Variants in CACNA2D3 observed in about 807,000 individuals in gnomAD.
The protein encoded by CACNA2D3 is voltage-dependent calcium channel subunit alpha-2/delta-3.
Under a neutral mutation model 160.6 loss-of-function variants are expected in CACNA2D3, and 60 were observed. That is an observed-to-expected ratio of 0.37 (90% CI 0.30 to 0.46). The LOEUF is 0.46. CACNA2D3 is among the 20% of genes least tolerant of loss of function. The probability of loss-of-function intolerance (pLI) is 1.00; values close to 1 mark genes in which losing one functional copy is unlikely to be tolerated. For synonymous variants in CACNA2D3, 558 were observed against 492.9 expected, an observed-to-expected ratio of 1.13 and a Z score of -1.75; for missense variants, 1,205 against 1,365.0, an observed-to-expected ratio of 0.88 and a Z score of 1.85.
rs953085836 is a variant in CACNA2D3 at position 54,975,649 on chromosome 3, G to C, written c.2556+5805G>C. ...TTCTCTTCCCATCATTGTTTGCTAG[G>C]ATGTAGAGCAATCTTACCAAAATGA... is the stretch of plus-strand genomic sequence containing the variant. On this transcript the variant is annotated intron_variant, in intron 29 of 37. Coordinates refer to ENST00000474759, the MANE Select transcript of CACNA2D3 (RefSeq NM_018398.3). 2.6e-5 allele frequency among the ~76,000 whole-genome samples: 4 copies of C among 152,028 alleles called. No homozygotes were observed. In the East Asian group the frequency reaches 7.7e-4, roughly 29 times the overall value.
At chr3:54,293,558 T>G (rs2107480671) in intron 2 of CACNA2D3, among the ~76,000 whole-genome samples, 1 of 123,728 alleles carries the variant, frequency 8.1e-6, no homozygotes, top group East Asian at 2.9e-4. Context: ...CTGAGTAATA[T>G]TCTATTATAT....
chr3:54,894,754 G>A (rs1700150374), intron 25 of CACNA2D3: 2 of 439,840 alleles, frequency 4.5e-6, no homozygotes, highest in Non-Finnish European at 9.2e-6. Flanking sequence ...AGAATTTCAT[G>A]TCTAGCGAAA....
intron 2 of CACNA2D3, among the ~76,000 whole-genome samples, chr3:54,241,564 T>A (rs2107408331): frequency 6.6e-6 from 1 of 152,294 alleles, no homozygotes; most frequent in East Asian, 1.9e-4. Flanking sequence ...GGAGACCAAT[T>A]TGGGTATGCC....
At chr3:54,588,865 T>G (rs2106752154) in intron 9 of CACNA2D3, among the ~76,000 whole-genome samples, 1 of 151,750 alleles carries the variant, frequency 6.6e-6, no homozygotes, top group African/African-American at 2.4e-5. Flanking sequence ...GGTGTTATTT[T>G]TTTTCAAACT....
chr3:54,214,643 A>T (rs1222246037), intron 2 of CACNA2D3, among the ~76,000 whole-genome samples: 1 of 152,170 alleles, frequency 6.6e-6, no homozygotes, highest in South Asian at 2.1e-4. Flanking sequence ...TAAACAGCTC[A>T]GTTAGGTGCT....
At chr3:54,836,226 C>CTTTTTTTTTTTTTTTTT (rs71096454) in intron 14 of CACNA2D3, among the ~76,000 whole-genome samples, 34 of 92,694 alleles carry the variant, frequency 3.7e-4, no homozygotes, top group Non-Finnish European at 5.0e-4. Flanking sequence ...TTTTTTTTTT[C>CTTTTTTTTTTTTTTTTT]TTTTTTTTTT....
rs116753077 is a variant in CACNA2D3 at position 54,530,748 on chromosome 3, G to T, written c.544+27094G>T. 9.5e-3 allele frequency among the ~76,000 whole-genome samples: 1,454 copies of T among 152,268 alleles called. 10 individuals carry two copies. The highest frequency in any genetic ancestry group is 0.015 in the Non-Finnish European group (1,007 of 68,010). Reference sequence around the variant, plus strand: ...CAGAGACGTTGTTTAACTGGCTGAGGGTTACACAGCCCATTCGTATGCTCA... The same window carrying T: ...CAGAGACGTTGTTTAACTGGCTGAGTGTTACACAGCCCATTCGTATGCTCA... On this transcript the variant is annotated intron_variant, in intron 5 of 37. Coordinates refer to ENST00000474759, the MANE Select transcript of CACNA2D3 (RefSeq NM_018398.3).
chr3:55,033,830 A>ATGTGTATTATATATTAAATATATTTT (rs1703747752), intron 35 of CACNA2D3, among the ~76,000 whole-genome samples: 1 of 47,910 alleles, frequency 2.1e-5, no homozygotes, highest in African/African-American at 8.5e-5. Context: ...AATATATTTA[A>ATGTGTATTATATATTAAATATATTTT]TATATAATAT....
At chr3:54,355,357 A>G (rs1398550738) in intron 3 of CACNA2D3, among the ~76,000 whole-genome samples, 1 of 152,232 alleles carries the variant, frequency 6.6e-6, no homozygotes, top group Non-Finnish European at 1.5e-5. Flanking sequence ...CGGCTGCTGT[A>G]TAGAGACTAG....
chr3:54,368,891 C>T (rs9877288), intron 3 of CACNA2D3, among the ~76,000 whole-genome samples: 30,046 of 150,806 alleles, frequency 0.2, 3,202 homozygotes, highest in Middle Eastern at 0.29. Context: ...TTAGTGGAGA[C>T]GGGGTTTCAT....
intron 3 of CACNA2D3, among the ~76,000 whole-genome samples, chr3:54,350,634 A>G (rs1016719793): frequency 1.3e-5 from 2 of 152,232 alleles, no homozygotes; most frequent in Admixed American, 6.5e-5. Context: ...AAGTTTCAAG[A>G]TGATGGGCTC....
chr3:54,764,219 A>AT lies in CACNA2D3; in HGVS notation c.1254dup (p.Thr419TyrfsTer8). On this transcript the variant is annotated frameshift_variant and splice_region_variant, in exon 13 of 38. Transcript: ENST00000474759. LOFTEE classifies it high-confidence loss of function. ...TGGCCCTCCCTTGGGTTTTGACAGG[A>AT]TTTTTTACCCAGATCTCCACCTTGG... 3 of 1,612,970 alleles carry AT rather than the reference A, an allele frequency of 1.9e-6. No homozygotes were observed. Among genetic ancestry groups the AT allele is most frequent in the Non-Finnish European group, 2.5e-6 (3 of 1,179,550 alleles).
intron 35 of CACNA2D3, among the ~76,000 whole-genome samples, chr3:55,023,944 T>TG (rs1464462929): frequency 6.8e-6 from 1 of 147,372 alleles, no homozygotes; most frequent in Non-Finnish European, 1.5e-5. Flanking sequence ...TGTCTTCTCT[T>TG]GTAAGATCTT....
chr3:55,002,674 A>G (rs933183570), intron 31 of CACNA2D3, among the ~76,000 whole-genome samples: 3 of 152,230 alleles, frequency 2.0e-5, no homozygotes, highest in African/African-American at 7.2e-5. Flanking sequence ...AAGCCAGAGG[A>G]CAGTGAAGAA....
At chr3:54,766,002 C>T (rs1261549577) in intron 13 of CACNA2D3, among the ~76,000 whole-genome samples, 2 of 152,042 alleles carry the variant, frequency 1.3e-5, no homozygotes, top group African/African-American at 4.8e-5. Context: ...AAAAATGAAA[C>T]CATTACAAGC....
intron 5 of CACNA2D3, among the ~76,000 whole-genome samples, chr3:54,552,727 A>G (rs1186112767): frequency 6.6e-6 from 1 of 152,188 alleles, no homozygotes; most frequent in East Asian, 1.9e-4. Context: ...GATTTCTGTG[A>G]TACAATTTTC....
At chr3:54,406,958 A>G (rs2106717125) in intron 4 of CACNA2D3, among the ~76,000 whole-genome samples, 1 of 152,324 alleles carries the variant, frequency 6.6e-6, no homozygotes, top group East Asian at 1.9e-4. Context: ...AAAAAAGGAC[A>G]GTGGAACAGC....
intron 11 of CACNA2D3, among the ~76,000 whole-genome samples, chr3:54,716,785 A>T (rs1388832112): frequency 6.6e-6 from 1 of 152,130 alleles, no homozygotes; most frequent in Non-Finnish European, 1.5e-5. Context: ...CTTTGGGCAT[A>T]GTGAATTTGG....
At chr3:54,772,370 A>T (rs751530366) in intron 13 of CACNA2D3, among the ~76,000 whole-genome samples, 10 of 152,098 alleles carry the variant, frequency 6.6e-5, no homozygotes, top group Non-Finnish European at 1.3e-4. Context: ...TGCTTTCGCT[A>T]TTAATTATAC....
Sources: allele counts gnomAD v4.1 joint callset (sites outside exome capture counted in the v4.1 genomes callset), GRCh38; gene constraint gnomAD v4.1.1; transcripts MANE v1.5; gene names NCBI Gene and HGNC (gene_info 2026-07-23, HGNC 2026-07-21).